The following PFDN1 variants were observed in gnomAD, a reference collection of about 807,000 sequenced individuals.
The protein encoded by PFDN1 is prefoldin 1.
PFDN1 carries 6 observed loss-of-function variants against 17.3 expected under a neutral mutation model. That is an observed-to-expected ratio of 0.35 (90% CI 0.19 to 0.69). The LOEUF (loss-of-function observed/expected upper bound fraction) is 0.69. Among genes scored for constraint, PFDN1 ranks in the 30% least tolerant of loss-of-function variants. The probability of loss-of-function intolerance (pLI) is 0.65; values close to 1 mark genes in which losing one functional copy is unlikely to be tolerated. For synonymous variants in PFDN1, 58 were observed against 50.1 expected, an observed-to-expected ratio of 1.16 and a Z score of -0.67; for missense variants, 113 against 146.2, an observed-to-expected ratio of 0.77 and a Z score of 1.17.
At chr5:140,266,173 G>C (rs1178557586) in intron 3 of PFDN1, among the ~76,000 whole-genome samples, 1 of 152,116 alleles carries the variant, frequency 6.6e-6, no homozygotes, top group Non-Finnish European at 1.5e-5. Context: ...CTTAATCACA[G>C]GCCCAAAACT....
intron 3 of PFDN1, chr5:140,274,029 G>A: frequency 3.8e-6 from 1 of 265,980 alleles, no homozygotes; most frequent in Non-Finnish European, 5.8e-6. Flanking sequence ...CCTAATAGTT[G>A]AGATTCAGAA....
chr5:140,282,292 A>C (rs1765417335), intron 2 of PFDN1, among the ~76,000 whole-genome samples: 1 of 151,936 alleles, frequency 6.6e-6, no homozygotes, highest in Non-Finnish European at 1.5e-5. Context: ...ATACGCTAAG[A>C]GAAAAGTCAA....
intron 2 of PFDN1, among the ~76,000 whole-genome samples, chr5:140,296,609 T>C (rs553227703): frequency 9.2e-5 from 14 of 152,246 alleles, no homozygotes; most frequent in Middle Eastern, 3.4e-3. Context: ...CCAAGGACAA[T>C]GTTATTCGCC....
chr5:140,282,286 G>A (rs377655131), intron 2 of PFDN1, among the ~76,000 whole-genome samples: 2 of 150,354 alleles, frequency 1.3e-5, no homozygotes, highest in African/African-American at 4.9e-5. Context: ...TATATCATAC[G>A]CTAAGAGAAA....
chr5:140,295,424 A>G (rs1375430333), intron 2 of PFDN1, among the ~76,000 whole-genome samples: 1 of 152,174 alleles, frequency 6.6e-6, no homozygotes, highest in East Asian at 1.9e-4. Context: ...CCCTCCTTGC[A>G]TGCTAGAAAG....
chr5:140,300,376 C>A, intron 2 of PFDN1, 40 bp downstream of exon 2: 1 of 1,432,454 alleles, frequency 7.0e-7, no homozygotes, highest in Non-Finnish European at 9.7e-7. Flanking sequence ...CGGACAAAAG[C>A]ACTCCCAAAA....
chr5:140,281,347 T>C, intron 3 of PFDN1, 102 bp downstream of exon 3: 6 of 636,042 alleles, frequency 9.4e-6, no homozygotes, highest in East Asian at 8.4e-5. Flanking sequence ...AAAAATAATA[T>C]GACATTACTT....
intron 2 of PFDN1, among the ~76,000 whole-genome samples, chr5:140,294,037 T>TG (rs1217167673): frequency 6.6e-6 from 1 of 152,042 alleles, no homozygotes; most frequent in African/African-American, 2.4e-5. Flanking sequence ...TTTCTTCAAG[T>TG]AAAATCTAAA....
At chr5:140,256,595 C>T (rs1764988125) in intron 3 of PFDN1, among the ~76,000 whole-genome samples, 1 of 144,588 alleles carries the variant, frequency 6.9e-6, no homozygotes, top group Non-Finnish European at 1.5e-5. Context: ...CTACCCCTCC[C>T]TGACTTCCCC....
chr5:140,270,452 C>T (rs1369558150), intron 3 of PFDN1, among the ~76,000 whole-genome samples: 3 of 151,976 alleles, frequency 2.0e-5, no homozygotes, highest in Non-Finnish European at 4.4e-5. Flanking sequence ...AAACAAGATG[C>T]AAAAAGCTGA....
At chr5:140,276,054 A>T (rs999843501) in intron 3 of PFDN1, among the ~76,000 whole-genome samples, 1 of 140,778 alleles carries the variant, frequency 7.1e-6, no homozygotes, top group African/African-American at 2.5e-5. Context: ...GATGATGATG[A>T]TGATGATAAT....
chr5:140,296,477 A>G (rs1429158735), intron 2 of PFDN1, among the ~76,000 whole-genome samples: 1 of 152,206 alleles, frequency 6.6e-6, no homozygotes, highest in Non-Finnish European at 1.5e-5. Flanking sequence ...AAGCCCTACT[A>G]TCGCCAAGGA....
intron 2 of PFDN1, among the ~76,000 whole-genome samples, chr5:140,286,961 A>C (rs568313669): frequency 6.6e-6 from 1 of 152,320 alleles, no homozygotes; most frequent in African/African-American, 2.4e-5. Context: ...AGACCTAGTC[A>C]GGTTAAATAC....
chr5:140,276,864 A>C (rs1269935747), intron 3 of PFDN1, among the ~76,000 whole-genome samples: 1 of 150,858 alleles, frequency 6.6e-6, no homozygotes, highest in Non-Finnish European at 1.5e-5. Flanking sequence ...AGAGGAAATG[A>C]GAGGGATGAG....
chr5:140,282,195 T>TAAAAAA (rs34012371), intron 2 of PFDN1: 2 of 124,280 alleles, frequency 1.6e-5, no homozygotes, highest in African/African-American at 6.1e-5. Context: ...TTAAAAACAT[T>TAAAAAA]AAAAAAAAAA....
At chr5:140,273,381 G>A (rs1000572815) in intron 3 of PFDN1, among the ~76,000 whole-genome samples, 1 of 152,060 alleles carries the variant, frequency 6.6e-6, no homozygotes, top group Non-Finnish European at 1.5e-5. Flanking sequence ...CAGTACTTAG[G>A]GCAAAACTGG....
At chr5:140,256,373 C>G (rs572142861) in intron 3 of PFDN1, among the ~76,000 whole-genome samples, 1 of 151,952 alleles carries the variant, frequency 6.6e-6, no homozygotes, top group Non-Finnish European at 1.5e-5. Flanking sequence ...GAGCAAGCCT[C>G]CATCTCAAAC....
At chr5:140,269,761 A>G (rs1375281437) in intron 3 of PFDN1, among the ~76,000 whole-genome samples, 1 of 152,264 alleles carries the variant, frequency 6.6e-6, no homozygotes, top group African/African-American at 2.4e-5. Context: ...ATAACAATAA[A>G]CTTAATAGAA....
At chr5:140,297,342 G>A (rs1468675427) in intron 2 of PFDN1, among the ~76,000 whole-genome samples, 1 of 152,082 alleles carries the variant, frequency 6.6e-6, no homozygotes, top group African/African-American at 2.4e-5. Flanking sequence ...AAAATTACTC[G>A]ACTATAAATT....
Sources: allele counts gnomAD v4.1 joint callset (sites outside exome capture counted in the v4.1 genomes callset), GRCh38; gene constraint gnomAD v4.1.1; transcripts MANE v1.5; gene names NCBI Gene and HGNC (gene_info 2026-07-23, HGNC 2026-07-21).